LAMC1: variants seen among roughly 807,000 people sequenced by gnomAD.
LAMC1 encodes laminin subunit gamma 1, also known as laminin subunit gamma-1.
In LAMC1, 38 loss-of-function variants were observed where a neutral mutation model predicts 173.6. That is an observed-to-expected ratio of 0.22 (90% CI 0.17 to 0.29). The LOEUF is 0.29. Among genes scored for constraint, LAMC1 ranks in the 10% least tolerant of loss-of-function variants. LAMC1 has a pLI of 1.00. For missense variants in LAMC1, 1,824 were observed against 2,051.8 expected (o/e 0.89, Z 2.14); for synonymous variants, 746 against 749.1 (o/e 1.00, Z 0.07).
intron 1 of LAMC1, among the ~76,000 whole-genome samples, chr1:183,034,170 GT>G (rs1299817204): frequency 6.6e-6 from 1 of 152,220 alleles, no homozygotes; most frequent in African/African-American, 2.4e-5. Context: ...GGATGTGTGA[GT>G]TATGATAGAT....
intron 1 of LAMC1, among the ~76,000 whole-genome samples, chr1:183,100,394 A>G (rs1655803687): frequency 6.6e-6 from 1 of 152,230 alleles, no homozygotes; most frequent in South Asian, 2.1e-4. Context: ...CTCCTTAAAC[A>G]TGACCGTAGC....
chr1:183,090,432 C>T (rs1270257543), intron 1 of LAMC1, among the ~76,000 whole-genome samples: 5 of 152,134 alleles, frequency 3.3e-5, no homozygotes, highest in African/African-American at 1.2e-4. Context: ...AGTGTACATT[C>T]TTACTCGTCT....
rs146629487 is a variant in LAMC1 at position 183,086,487 on chromosome 1, C to T, written c.419-16841C>T. Among the ~76,000 whole-genome samples, 751 of 150,478 alleles carry T rather than the reference C, an allele frequency of 5.0e-3. 3 individuals are homozygous for T. The highest frequency in any genetic ancestry group is 8.0e-3 in the Non-Finnish European group (539 of 67,448). ...AAAACATTACATGTCACTTGTCCCT[C>T]GTGGCTAGATGTGGATAGAGATGCT... On this transcript the variant is annotated intron_variant, in intron 1 of 27. Transcript: ENST00000258341.
At chr1:183,066,943 A>G (rs1245239200) in intron 1 of LAMC1, among the ~76,000 whole-genome samples, 5 of 152,298 alleles carry the variant, frequency 3.3e-5, no homozygotes, top group East Asian at 1.9e-4. Context: ...CTGCACATGT[A>G]TCTGAGAACT....
chr1:183,144,441 A>G lies in LAMC1; in HGVS notation c.*1651A>G, dbSNP rs140967130. The G allele has an allele frequency of 8.4e-4, 128 of 152,552 alleles. No homozygotes were observed. The highest frequency in any genetic ancestry group is 3.0e-3 in the African/African-American group (123 of 41,490). 9.4% of individuals were successfully genotyped at this position (152,552 alleles called of 1,614,324 possible). A position where few individuals can be genotyped will look rare whatever the true frequency, so the allele number is the denominator to read the frequency against. ...CTGAATACCTCCTTCCCTCCCTTCT[A>G]GAATTCTTTGGATTGTACTCCAAAG... On this transcript the variant is annotated 3_prime_UTR_variant, in exon 28 of 28. Coordinates refer to ENST00000258341, the MANE Select transcript of LAMC1 (RefSeq NM_002293.4).
At position 183,117,676 on chromosome 1, in the gene LAMC1, T is replaced by A. The variant is rs1656360626; in HGVS notation, c.1830T>A (p.Ala610=). ...TAAGAGTATCTGTACCCTTGATCGC[T>A]CAGGGCAATTCCTATCCAAGTGAGA... ...AGLRVSVPLI[A]QGNSYPSETT... is the part of the protein sequence containing the mutation. Residue 610 remains alanine (A), a synonymous_variant, in exon 10 of 28, where the codon GCT becomes GCA. Coordinates refer to ENST00000258341, the MANE Select transcript of LAMC1 (RefSeq NM_002293.4). The A allele has an allele frequency of 6.2e-7, 1 of 1,614,244 alleles. No individual in the cohort carries two copies. Among genetic ancestry groups the A allele is most frequent in the East Asian group, 2.2e-5 (1 of 44,880 alleles).
chr1:183,029,960 A>T (rs1448348523), intron 1 of LAMC1, among the ~76,000 whole-genome samples: 1 of 152,194 alleles, frequency 6.6e-6, no homozygotes. Context: ...ATTTGGGGGT[A>T]GGCAAATGAT....
chr1:183,025,589 T>C (rs1336838179), intron 1 of LAMC1, among the ~76,000 whole-genome samples: 4 of 152,246 alleles, frequency 2.6e-5, no homozygotes. Context: ...ATCTGTGAGA[T>C]TGCTCTTTAT....
chr1:183,072,310 G>T, intron 1 of LAMC1, among the ~76,000 whole-genome samples: 1 of 152,186 alleles, frequency 6.6e-6, no homozygotes, highest in East Asian at 1.9e-4. Context: ...AGTGTTCGTT[G>T]CAGGGTCTGC....
rs766937069 is a variant in LAMC1 at position 183,127,250 on chromosome 1, C to A, written c.2969C>A (p.Ser990Tyr). The stretch of plus-strand genomic sequence containing the variant: ...GCCTGTGACTGTCATCCTGAGGGAT[C>A]TCTTTCACTTCAGTGCAAAGATGAT... ...CKPCDCHPEG[S>Y]LSLQCKDDGR... is the part of the protein sequence containing the mutation. Residue 990 changes from serine to tyrosine, a missense_variant, in exon 17 of 28, where the codon TCT (serine) becomes TAT (tyrosine). Coordinates refer to ENST00000258341, the MANE Select transcript of LAMC1 (RefSeq NM_002293.4). 1.9e-6 allele frequency: 3 copies of A among 1,614,024 alleles called. No individual in the cohort carries two copies.
intron 1 of LAMC1, among the ~76,000 whole-genome samples, chr1:183,097,730 G>C (rs1655729425): frequency 6.6e-6 from 1 of 152,180 alleles, no homozygotes; most frequent in African/African-American, 2.4e-5. Context: ...TCTCATTGTC[G>C]ATGCGGCCTG....
At chr1:183,137,925 T>G (rs1656993337) in intron 26 of LAMC1, 98 bp downstream of exon 26, 1 of 1,075,844 alleles carries the variant, frequency 9.3e-7, no homozygotes, top group Non-Finnish European at 1.3e-6. Flanking sequence ...TTATATTGAC[T>G]TCTGTTTTTC....
At chr1:183,075,147 C>A (rs1353213053) in intron 1 of LAMC1, among the ~76,000 whole-genome samples, 3 of 142,340 alleles carry the variant, frequency 2.1e-5, no homozygotes, top group East Asian at 4.0e-4. Context: ...TTTTTCGAGA[C>A]AGGGTGTTAC....
At chr1:183,049,465 T>G (rs901864284) in intron 1 of LAMC1, among the ~76,000 whole-genome samples, 8 of 42,632 alleles carry the variant, frequency 1.9e-4, no homozygotes, top group East Asian at 1.2e-3. Context: ...GTTTTTTTGT[T>G]TTTTTTTTTT....
At chr1:183,122,615 G>A (rs1385769199) in intron 13 of LAMC1, among the ~76,000 whole-genome samples, 1 of 152,116 alleles carries the variant, frequency 6.6e-6, no homozygotes, top group Non-Finnish European at 1.5e-5. Flanking sequence ...TGGATGGTGG[G>A]CTAGAAGCCT....
chr1:183,095,295 C>G (rs1655664814), intron 1 of LAMC1, among the ~76,000 whole-genome samples: 1 of 152,038 alleles, frequency 6.6e-6, no homozygotes, highest in Non-Finnish European at 1.5e-5. Flanking sequence ...ACCACCGTGA[C>G]TAGGTATTAG....
chr1:183,120,909 C>G (rs1656453335), intron 11 of LAMC1, among the ~76,000 whole-genome samples: 1 of 152,064 alleles, frequency 6.6e-6, no homozygotes, highest in South Asian at 2.1e-4. Flanking sequence ...CAGGTGCTTT[C>G]CCTTCTGTCT....
chr1:183,061,938 G>C (rs1382345048), intron 1 of LAMC1, among the ~76,000 whole-genome samples: 1 of 152,212 alleles, frequency 6.6e-6, no homozygotes, highest in Non-Finnish European at 1.5e-5. Flanking sequence ...ACGTCATTGG[G>C]ACATGGCAGA....
At position 183,130,504 on chromosome 1, in the gene LAMC1, C is replaced by T. The variant is rs778338712; in HGVS notation, c.3441C>T (p.Ile1147=). 2.5e-6 allele frequency: 4 copies of T among 1,614,166 alleles called. No individual in the cohort carries two copies. Among genetic ancestry groups the T allele is most frequent in the South Asian group, 2.2e-5 (2 of 91,086 alleles). The change falls in exon 19 of 28, where the codon ATC becomes ATT. Residue 1147 remains isoleucine (I), a synonymous_variant. Transcript: ENST00000258341. The stretch of plus-strand genomic sequence containing the variant: ...AGAACACAGAGCGGTTGATTGAAAT[C>T]GCATCCAGAGAACTTGAGAAAGCAA... The part of the protein sequence containing the change: ...HVENTERLIE[I]ASRELEKAKV...
Sources: gnomAD v4.1 joint callset for allele counts (sites outside exome capture counted in the v4.1 genomes callset) on GRCh38, gnomAD v4.1.1 for gene constraint, MANE v1.5 for transcripts, NCBI Gene and HGNC (gene_info 2026-07-23, HGNC 2026-07-21) for gene names.